Variants in PACRG observed in about 807,000 individuals in gnomAD.
PACRG encodes the protein parkin coregulated.
Under a neutral mutation model 29.7 loss-of-function variants are expected in PACRG, and 29 were observed. The ratio of observed to expected loss-of-function variants is 0.98; its 90% CI spans 0.73 to 1.33. PACRG has a LOEUF of 1.33. Ranked by LOEUF, PACRG falls within the 40% of genes most tolerant of loss-of-function variation. The probability of loss-of-function intolerance (pLI) is 0.00; values close to 1 mark genes in which losing one functional copy is unlikely to be tolerated. For synonymous variants in PACRG, 116 were observed against 118.7 expected (o/e 0.98, Z 0.15); for missense variants, 279 against 316.2 (o/e 0.88, Z 0.89).
chr6:163,198,434 C>G (rs1780565223), intron 4 of PACRG, among the ~76,000 whole-genome samples: 1 of 152,206 alleles, frequency 6.6e-6, no homozygotes, highest in Admixed American at 6.5e-5. Flanking sequence ...GCTCTCAGCA[C>G]TTTACATGTG....
chr6:163,066,300 G>C (rs188779920), intron 3 of PACRG, among the ~76,000 whole-genome samples: 2 of 152,320 alleles, frequency 1.3e-5, no homozygotes, highest in Non-Finnish European at 2.9e-5. Context: ...TCTTGGGCGT[G>C]ATTTTACCCC....
chr6:163,251,281 T>TTAAA (rs547434709), intron 4 of PACRG, among the ~76,000 whole-genome samples: 1 of 151,890 alleles, frequency 6.6e-6, no homozygotes, highest in Non-Finnish European at 1.5e-5. Flanking sequence ...ATAATAAAAT[T>TTAAA]TAAATAAATA....
In PACRG at chr6:163,089,417, G is replaced by T; in HGVS notation, c.613+9G>T. On this transcript the variant is annotated intron_variant, in intron 4 of 4. Coordinates refer to ENST00000366888, the MANE Select transcript of PACRG (RefSeq NM_001080379.2). Reference sequence around the variant, plus strand: ...CTTTAAGAATATGAATGGTGAGTGAGCCCACGAGTCAAAATGTCTTTTAAG... The same window carrying T: ...CTTTAAGAATATGAATGGTGAGTGATCCCACGAGTCAAAATGTCTTTTAAG... The T allele has an allele frequency of 6.2e-7, 1 of 1,610,894 alleles. No homozygotes were observed. Among genetic ancestry groups the T allele is most frequent in the Non-Finnish European group, 8.5e-7 (1 of 1,178,338 alleles).
chr6:162,798,940 T>C (rs1444327568), intron 1 of PACRG, among the ~76,000 whole-genome samples: 1 of 152,192 alleles, frequency 6.6e-6, no homozygotes, highest in Non-Finnish European at 1.5e-5. Flanking sequence ...ATTCAAATCA[T>C]GTAATCGTAT....
chr6:162,731,307 T>C (rs78264483), intron 1 of PACRG, among the ~76,000 whole-genome samples: 8,626 of 152,184 alleles, frequency 0.057, 429 homozygotes, highest in East Asian at 0.29. Context: ...AGTCAGCTCT[T>C]TGTACAGATT....
chr6:162,946,728 A>G (rs2128125267), intron 2 of PACRG, among the ~76,000 whole-genome samples: 1 of 152,266 alleles, frequency 6.6e-6, no homozygotes, highest in Non-Finnish European at 1.5e-5. Flanking sequence ...AAAATCCCCA[A>G]CAAAATACTA....
chr6:162,771,191 C>T (rs10806766), intron 1 of PACRG, among the ~76,000 whole-genome samples: 99,907 of 151,982 alleles, frequency 0.66, 33,447 homozygotes, highest in South Asian at 0.82. Flanking sequence ...TATTGCCATT[C>T]AAGTTACATC....
intron 2 of PACRG, among the ~76,000 whole-genome samples, chr6:162,875,638 C>G (rs1793276673): frequency 6.6e-6 from 1 of 152,218 alleles, no homozygotes; most frequent in South Asian, 2.1e-4. Flanking sequence ...ACCACTTGTC[C>G]TTTTCCTCTA....
At chr6:162,780,384 C>T (rs2128313121) in intron 1 of PACRG, among the ~76,000 whole-genome samples, 2 of 152,174 alleles carry the variant, frequency 1.3e-5, no homozygotes, top group East Asian at 3.9e-4. Context: ...ATAAGTTAAC[C>T]ATGTTCCAGA....
intron 2 of PACRG, among the ~76,000 whole-genome samples, chr6:163,000,879 T>G (rs1208010735): frequency 6.6e-6 from 1 of 152,192 alleles, no homozygotes; most frequent in Non-Finnish European, 1.5e-5. Context: ...AAATTACCTA[T>G]GAGCCAAGGC....
intron 4 of PACRG, among the ~76,000 whole-genome samples, chr6:163,264,689 G>A (rs745808751): frequency 1.3e-5 from 2 of 152,158 alleles, no homozygotes; most frequent in African/African-American, 4.8e-5. Flanking sequence ...CAGAGCTTCC[G>A]CTGGTTGGAA....
At chr6:163,212,102 C>T (rs1235489839) in intron 4 of PACRG, among the ~76,000 whole-genome samples, 3 of 152,032 alleles carry the variant, frequency 2.0e-5, no homozygotes, top group South Asian at 4.1e-4. Context: ...TGGTTACATA[C>T]AGGGGTAGAT....
chr6:163,132,966 C>T (rs1816796131), intron 4 of PACRG, among the ~76,000 whole-genome samples: 1 of 152,056 alleles, frequency 6.6e-6, no homozygotes, highest in Non-Finnish European at 1.5e-5. Context: ...TGCTTTTGTC[C>T]ACATGATATT....
chr6:163,212,472 G>C (rs1041557819), intron 4 of PACRG, among the ~76,000 whole-genome samples: 3 of 152,142 alleles, frequency 2.0e-5, no homozygotes, highest in South Asian at 2.1e-4. Flanking sequence ...TCTTGGAACA[G>C]AGCCATGTCA....
At chr6:163,248,890 G>A (rs959470755) in intron 4 of PACRG, among the ~76,000 whole-genome samples, 7 of 152,046 alleles carry the variant, frequency 4.6e-5, no homozygotes, top group Non-Finnish European at 2.9e-5. Flanking sequence ...GGTGGCAGGC[G>A]TCTGTTGGGA....
intron 2 of PACRG, among the ~76,000 whole-genome samples, chr6:162,829,295 G>T (rs1788542175): frequency 6.6e-6 from 1 of 152,248 alleles, no homozygotes; most frequent in African/African-American, 2.4e-5. Flanking sequence ...TTCAGATGGA[G>T]TCACAGCTCA....
rs374644823 is a variant in PACRG, at chr6:162,735,830, A to G, written c.156+7439A>G. Among the ~76,000 whole-genome samples, 15 of 152,352 alleles carry G rather than the reference A, an allele frequency of 9.8e-5. No individual in the cohort carries two copies. In the South Asian group the frequency reaches 3.1e-3, roughly 32 times the overall value. On this transcript the variant is annotated intron_variant, in intron 1 of 4. Transcript: ENST00000366888. Reference sequence around the variant, plus strand: ...CCTCAACCAGTTTCAACTAGCTCACAGTGAAATACATATACATTAAGACAC... The same window carrying G: ...CCTCAACCAGTTTCAACTAGCTCACGGTGAAATACATATACATTAAGACAC...
chr6:162,891,665 A>C (rs1039124879), intron 2 of PACRG, among the ~76,000 whole-genome samples: 7 of 152,006 alleles, frequency 4.6e-5, no homozygotes, highest in African/African-American at 1.4e-4. Context: ...TGGCCTAGCT[A>C]TTTGGTTTGC....
chr6:163,256,551 G>A (rs895652359), intron 4 of PACRG, among the ~76,000 whole-genome samples: 4 of 152,192 alleles, frequency 2.6e-5, no homozygotes, highest in African/African-American at 7.2e-5. Flanking sequence ...CCAAGAAGGG[G>A]ACATTGACAA....
Sources: gnomAD v4.1 joint callset for allele counts (sites outside exome capture counted in the v4.1 genomes callset) on GRCh38, gnomAD v4.1.1 for gene constraint, MANE v1.5 for transcripts, NCBI Gene and HGNC (gene_info 2026-07-23, HGNC 2026-07-21) for gene names.